The following TEAD1 variants were observed in gnomAD, a reference collection of about 807,000 sequenced individuals.
TEAD1 encodes the protein transcriptional enhancer factor TEF-1.
TEAD1 carries 9 observed loss-of-function variants against 54.9 expected under a neutral mutation model. That is an observed-to-expected ratio of 0.16 (90% CI 0.10 to 0.29). The LOEUF is 0.29. TEAD1 is among the 10% of genes least tolerant of loss of function. The probability of loss-of-function intolerance (pLI) is 1.00; values close to 1 mark genes in which losing one functional copy is unlikely to be tolerated. For synonymous variants in TEAD1, 200 were observed against 187.8 expected (o/e 1.07, Z -0.53); for missense variants, 387 against 535.9 (o/e 0.72, Z 2.74).
At position 12,940,524 on chromosome 11, in the gene TEAD1, A is replaced by C. The variant is rs900851171; in HGVS notation, c.*3302A>C. 6.6e-6 allele frequency: 1 copy of C among 152,206 alleles called. No homozygotes were observed. The highest frequency in any genetic ancestry group is 1.5e-5 in the Non-Finnish European group (1 of 68,044). 9.4% of individuals were successfully genotyped at this position (152,206 alleles called of 1,614,324 possible). On this transcript the variant is annotated 3_prime_UTR_variant, in exon 13 of 13. Coordinates refer to ENST00000527636, the MANE Select transcript of TEAD1 (RefSeq NM_021961.6). ...TCTCTCCTAGAGCCTTGCAAGAGGCAGGTGACATTGTGTCCATATTTCTTC... is the reference window on the plus strand; with the variant it reads ...TCTCTCCTAGAGCCTTGCAAGAGGCCGGTGACATTGTGTCCATATTTCTTC...
chr11:12,861,561 G>C (rs200994059), intron 3 of TEAD1, among the ~76,000 whole-genome samples: 10 of 152,204 alleles, frequency 6.6e-5, no homozygotes, highest in Admixed American at 1.3e-4. Flanking sequence ...ATATGAATGT[G>C]AATATGAAAA....
At chr11:12,869,175 C>T (rs1947686936) in intron 5 of TEAD1, among the ~76,000 whole-genome samples, 1 of 152,150 alleles carries the variant, frequency 6.6e-6, no homozygotes, top group African/African-American at 2.4e-5. Flanking sequence ...ACATGGGGTT[C>T]ATTCAAATTT....
In TEAD1 at chr11:12,930,231, A is replaced by G. The variant is rs764902614; in HGVS notation, c.1072A>G (p.Met358Val). The change falls in exon 12 of 13, where the codon ATG becomes GTG. Residue 358 changes from methionine (M) to valine (V), a missense_variant. Physicochemically the swap from Met to Val is conservative, Grantham distance 21. Transcript: ENST00000527636. The stretch of plus-strand genomic sequence containing the variant: ...TGTATACCGAATAAACCGCTCCCCA[A>G]TGTGTGAATATATGATCAACTTCAT... 8 of 1,614,106 alleles carry G rather than the reference A, an allele frequency of 5.0e-6. No homozygotes were observed. Among genetic ancestry groups the G allele is most frequent in the Admixed American group, 1.7e-5 (1 of 60,016 alleles).
intron 2 of TEAD1, among the ~76,000 whole-genome samples, chr11:12,756,196 T>C (rs1011095737): frequency 1.1e-4 from 16 of 152,178 alleles, no homozygotes; most frequent in Non-Finnish European, 2.1e-4. Flanking sequence ...AAGTGATTTT[T>C]GAAAACGAGA....
At chr11:12,909,974 G>C (rs1315065903) in intron 10 of TEAD1, among the ~76,000 whole-genome samples, 1 of 152,204 alleles carries the variant, frequency 6.6e-6, no homozygotes, top group Non-Finnish European at 1.5e-5. Context: ...TACAAAACAT[G>C]ATCAGGTGCT....
chr11:12,870,890 A>T (rs1253373756), intron 5 of TEAD1, among the ~76,000 whole-genome samples: 1 of 152,196 alleles, frequency 6.6e-6, no homozygotes, highest in Non-Finnish European at 1.5e-5. Context: ...TGTCTCCAAA[A>T]AAAAGAAAAA....
rs927246779 is a variant in TEAD1, at chr11:12,711,690, G to GT, written c.-55+36135dup. Among the ~76,000 whole-genome samples the GT allele has an allele frequency of 7.2e-5, 11 of 152,288 alleles. No individual in the cohort carries two copies. The South Asian group carries it at 1.2e-3, about 17-fold the overall frequency. On this transcript the variant is annotated intron_variant, in intron 2 of 12. Transcript: ENST00000527636. ...TAAACAGGCCCTTTACCCTCTGGGG[G>GT]TTTTTTACTGAGAATCAATAAAAGG...
At chr11:12,752,635 C>T (rs1944898771) in intron 2 of TEAD1, among the ~76,000 whole-genome samples, 1 of 152,096 alleles carries the variant, frequency 6.6e-6, no homozygotes, top group African/African-American at 2.4e-5. Flanking sequence ...TCCCATAGAA[C>T]TTTCTGTGGC....
intron 3 of TEAD1, among the ~76,000 whole-genome samples, chr11:12,797,773 A>G (rs1945965840): frequency 6.6e-6 from 1 of 151,824 alleles, no homozygotes; most frequent in Non-Finnish European, 1.5e-5. Context: ...GAATTCTCCA[A>G]CTTCTCTTGT....
chr11:12,837,488 C>A (rs957674842), intron 3 of TEAD1, among the ~76,000 whole-genome samples: 5 of 152,270 alleles, frequency 3.3e-5, no homozygotes, highest in Admixed American at 2.6e-4. Context: ...GATTAAACAA[C>A]AGAAATTAAT....
At chr11:12,718,797 C>T (rs917688630) in intron 2 of TEAD1, among the ~76,000 whole-genome samples, 4 of 152,008 alleles carry the variant, frequency 2.6e-5, no homozygotes, top group Non-Finnish European at 5.9e-5. Flanking sequence ...TTTTCTGTGA[C>T]CCAGGCTTTT....
At chr11:12,710,462 T>A (rs1332423552) in intron 2 of TEAD1, among the ~76,000 whole-genome samples, 2 of 152,158 alleles carry the variant, frequency 1.3e-5, no homozygotes, top group Non-Finnish European at 2.9e-5. Flanking sequence ...CACAGTGAAG[T>A]CAGGAGTATA....
At chr11:12,745,260 CG>C (rs1214603604) in intron 2 of TEAD1, among the ~76,000 whole-genome samples, 2 of 152,138 alleles carry the variant, frequency 1.3e-5, no homozygotes, top group Non-Finnish European at 2.9e-5. Flanking sequence ...GATAATTGCA[CG>C]GTGTGATGTG....
At chr11:12,690,324 A>G (rs930741689) in intron 2 of TEAD1, among the ~76,000 whole-genome samples, 4 of 151,966 alleles carry the variant, frequency 2.6e-5, no homozygotes, top group African/African-American at 9.7e-5. Flanking sequence ...TGTCTCATAA[A>G]TGTTTTTTCA....
intron 3 of TEAD1, among the ~76,000 whole-genome samples, chr11:12,858,951 A>G: frequency 6.6e-6 from 1 of 152,244 alleles, no homozygotes; most frequent in East Asian, 1.9e-4. Context: ...TGAATACTGT[A>G]GGCCATTGTA....
At chr11:12,865,027 A>T (rs1564968681) in intron 5 of TEAD1, 127 bp downstream of exon 5, 8 of 1,057,442 alleles carry the variant, frequency 7.6e-6, no homozygotes, top group African/African-American at 4.7e-5. Context: ...AGAGCTGTTT[A>T]CATTTCTTTG....
At chr11:12,891,515 A>G (rs1371396396) in intron 9 of TEAD1, among the ~76,000 whole-genome samples, 1 of 152,248 alleles carries the variant, frequency 6.6e-6, no homozygotes, top group Non-Finnish European at 1.5e-5. Flanking sequence ...GATAAATGGT[A>G]ATGACTGGGT....
intron 3 of TEAD1, among the ~76,000 whole-genome samples, chr11:12,832,797 C>G (rs1946809457): frequency 6.6e-6 from 1 of 152,202 alleles, no homozygotes; most frequent in Non-Finnish European, 1.5e-5. Context: ...TAACAAGTTT[C>G]CATCTCGTTC....
At chr11:12,765,540 G>A (rs768159681) in intron 3 of TEAD1, among the ~76,000 whole-genome samples, 2 of 151,992 alleles carry the variant, frequency 1.3e-5, no homozygotes, top group African/African-American at 2.4e-5. Context: ...CACTTCCTCT[G>A]TCAGGAGCCG....
Sources: allele counts gnomAD v4.1 joint callset (sites outside exome capture counted in the v4.1 genomes callset), GRCh38; gene constraint gnomAD v4.1.1; transcripts MANE v1.5; gene names NCBI Gene and HGNC (gene_info 2026-07-23, HGNC 2026-07-21).